RORA: variants seen among roughly 807,000 people sequenced by gnomAD.
RORA encodes RAR related orphan receptor A.
Under a neutral mutation model 69.5 loss-of-function variants are expected in RORA, and 7 were observed. That is an observed-to-expected ratio of 0.10 (90% CI 0.06 to 0.19). The LOEUF (loss-of-function observed/expected upper bound fraction) is 0.19, where lower values mean the gene tolerates loss of function less well. Among genes scored for constraint, RORA ranks in the 10% least tolerant of loss-of-function variants. The pLI, the probability that RORA is intolerant of heterozygous loss-of-function variation, is 1.00. For missense variants in RORA, 457 were observed against 663.0 expected (o/e 0.69, Z 3.41); for synonymous variants, 261 against 240.8 (o/e 1.08, Z -0.78).
intron 1 of RORA, among the ~76,000 whole-genome samples, chr15:60,749,722 A>C (rs1567177759): frequency 6.6e-6 from 1 of 152,188 alleles, no homozygotes; most frequent in Non-Finnish European, 1.5e-5. Context: ...TAACAAAAAC[A>C]ATAACGATAA....
intron 1 of RORA, among the ~76,000 whole-genome samples, chr15:60,965,737 C>G (rs1020032743): frequency 6.6e-6 from 1 of 152,130 alleles, no homozygotes; most frequent in African/African-American, 2.4e-5. Context: ...TTTTTCTCCC[C>G]AAGCACTGGT....
In RORA at chr15:60,497,170, A is replaced by G; in HGVS notation, c.*285T>C. On this transcript the variant is annotated 3_prime_UTR_variant, in exon 11 of 11. Transcript: ENST00000335670. ...CAAGAAAAGGAAATCCTCCGACTTT[A>G]GTACCCTCCTCCTGTTGTAAACAGA... 2 of 279,238 alleles carry G rather than the reference A, an allele frequency of 7.2e-6. No homozygotes were observed. Among genetic ancestry groups the G allele is most frequent in the Non-Finnish European group, 1.3e-5 (2 of 148,318 alleles). The allele number at this position is 279,238 out of a possible 1,614,324, so 17.3% of individuals were successfully genotyped here.
rs545056728 is a variant in RORA at position 60,941,854 on chromosome 15, C to T, written c.167-263168G>A. On this transcript the variant is annotated intron_variant, in intron 1 of 10. Transcript: ENST00000335670. ...AATGTTTGCCCTTGAAAAGAAAAGA[C>T]GTGCAAACCGGAAACTGGTGACTAG... Among the ~76,000 whole-genome samples the T allele has an allele frequency of 7.9e-5, 12 of 152,260 alleles. No individual in the cohort carries two copies. In the South Asian group the frequency reaches 1.0e-3, roughly 13 times the overall value.
chr15:60,749,902 C>T (rs573713855), intron 1 of RORA, among the ~76,000 whole-genome samples: 84 of 152,126 alleles, frequency 5.5e-4, no homozygotes, highest in African/African-American at 1.8e-3. Context: ...TGGTAGTGTG[C>T]GCCTGTAGTC....
rs566586680 is a variant in RORA at position 60,627,127 on chromosome 15, C to A, written c.196+51530G>T. On this transcript the variant is annotated intron_variant, in intron 2 of 10. Coordinates refer to ENST00000335670, the MANE Select transcript of RORA (RefSeq NM_134261.3). ...CATGGGCTTCATCTTTTCCTTCACT[C>A]GTCAGATATTCTTGGAGAACTGACT... 3.3e-6 allele frequency: 3 copies of A among 910,464 alleles called. No individual in the cohort carries two copies. In the Admixed American group the frequency reaches 6.8e-5, roughly 21 times the overall value. 56.4% of individuals were successfully genotyped at this position (910,464 alleles called of 1,614,324 possible). A position where few individuals can be genotyped will look rare whatever the true frequency, so the allele number is the denominator to read the frequency against.
At chr15:60,833,831 C>T (rs2073080367) in intron 1 of RORA, among the ~76,000 whole-genome samples, 1 of 152,194 alleles carries the variant, frequency 6.6e-6, no homozygotes, top group Non-Finnish European at 1.5e-5. Context: ...GGACTGAAGT[C>T]TGGGTTCCAA....
At chr15:60,538,935 G>A (rs900834309) in intron 2 of RORA, among the ~76,000 whole-genome samples, 3 of 150,736 alleles carry the variant, frequency 2.0e-5, no homozygotes, top group African/African-American at 2.4e-5. Context: ...TAATTTCTCC[G>A]GAAAACTTAA....
chr15:60,882,567 G>C (rs941137183), intron 1 of RORA, among the ~76,000 whole-genome samples: 4 of 151,866 alleles, frequency 2.6e-5, no homozygotes, highest in African/African-American at 9.7e-5. Context: ...ACTCAGGTTA[G>C]GTAGTGCTAT....
chr15:60,591,483 AG>A (rs1221909560), intron 2 of RORA, among the ~76,000 whole-genome samples: 5 of 152,250 alleles, frequency 3.3e-5, no homozygotes, highest in Admixed American at 2.0e-4. Flanking sequence ...GAGGACCTAG[AG>A]CCAGTCCTCC....
intron 1 of RORA, among the ~76,000 whole-genome samples, chr15:60,999,571 T>C (rs991639648): frequency 6.6e-6 from 1 of 152,180 alleles, no homozygotes; most frequent in African/African-American, 2.4e-5. Flanking sequence ...GCAGGCTGTG[T>C]CCATGCCCCA....
chr15:61,071,532 G>T (rs1389803566), intron 1 of RORA, among the ~76,000 whole-genome samples: 1 of 19,456 alleles, frequency 5.1e-5, no homozygotes, highest in African/African-American at 2.8e-4. Context: ...GGAGGGGGAA[G>T]CGGTGGGGAT....
At chr15:60,505,408 T>C (rs7171309) in intron 6 of RORA, 100 bp downstream of exon 6, 669,977 of 1,147,512 alleles carry the variant, frequency 0.58, 203,480 homozygotes, top group East Asian at 0.86. Context: ...CCTGATGACA[T>C]TCATTCTTTA....
intron 2 of RORA, among the ~76,000 whole-genome samples, chr15:60,577,404 G>A (rs2068055696): frequency 6.6e-6 from 1 of 152,176 alleles, no homozygotes; most frequent in Non-Finnish European, 1.5e-5. Context: ...AGTACTTTGG[G>A]AGTCTGAGAC....
At chr15:60,767,407 A>G (rs929883795) in intron 1 of RORA, among the ~76,000 whole-genome samples, 2 of 152,176 alleles carry the variant, frequency 1.3e-5, no homozygotes, top group Non-Finnish European at 2.9e-5. Flanking sequence ...ACATCTACAA[A>G]TCTGCCATTA....
chr15:61,202,552 A>G (rs1230016863), intron 1 of RORA, among the ~76,000 whole-genome samples: 1 of 152,102 alleles, frequency 6.6e-6, no homozygotes, highest in African/African-American at 2.4e-5. Context: ...ATCTACACAT[A>G]CCCTAGGAGG....
At chr15:61,180,113 G>A (rs545230679) in intron 1 of RORA, among the ~76,000 whole-genome samples, 156 of 129,360 alleles carry the variant, frequency 1.2e-3, no homozygotes, top group African/African-American at 4.3e-3. Flanking sequence ...CACTGCACTC[G>A]AGCCTGGGCA....
chr15:61,163,797 G>A (rs1213309085), intron 1 of RORA, among the ~76,000 whole-genome samples: 1 of 152,132 alleles, frequency 6.6e-6, no homozygotes, highest in African/African-American at 2.4e-5. Context: ...TTCACTGAGA[G>A]CCTTTTACAC....
chr15:61,204,788 C>T (rs577718244), intron 1 of RORA, among the ~76,000 whole-genome samples: 4 of 152,126 alleles, frequency 2.6e-5, no homozygotes, highest in Admixed American at 1.3e-4. Context: ...CAAGAGAGAG[C>T]GAGCAAGAGA....
intron 2 of RORA, among the ~76,000 whole-genome samples, chr15:60,542,461 TCA>T (rs1022150443): frequency 3.5e-5 from 5 of 143,938 alleles, no homozygotes; most frequent in South Asian, 2.2e-4. Flanking sequence ...CAGGCACACC[TCA>T]CACACACGGC....
Sources: gnomAD v4.1 joint callset for allele counts (sites outside exome capture counted in the v4.1 genomes callset) on GRCh38, gnomAD v4.1.1 for gene constraint, MANE v1.5 for transcripts, NCBI Gene and HGNC (gene_info 2026-07-23, HGNC 2026-07-21) for gene names.